C18orf54: variants seen among roughly 807,000 people sequenced by gnomAD.
The protein encoded by C18orf54 is lung adenoma susceptibility protein 2.
C18orf54 carries 49 observed loss-of-function variants against 49.3 expected under a neutral mutation model. The observed-to-expected ratio is 0.99, with a 90% confidence interval of 0.79 to 1.26. The LOEUF (loss-of-function observed/expected upper bound fraction) is 1.26. Among genes scored for constraint, C18orf54 ranks in the 50% most tolerant of loss-of-function variants. The pLI is 0.00. For missense variants in C18orf54, 687 were observed against 620.6 expected (o/e 1.11, Z -1.14); for synonymous variants, 211 against 216.6 (o/e 0.97, Z 0.23).
At chr18:54,358,714 T>C (rs1483292010) in intron 1 of C18orf54, 60 bp from the exon 2 acceptor site, 1 of 152,284 alleles carries the variant, frequency 6.6e-6, no homozygotes, top group Non-Finnish European at 1.5e-5. Context: ...TTGTTCTTAA[T>C]TTCCTGTGCG....
rs16958122 is a variant in C18orf54 at position 54,373,862 on chromosome 18, C to T, written c.1459-352C>T. Among the ~76,000 whole-genome samples, 663 of 151,954 alleles carry T rather than the reference C, an allele frequency of 4.4e-3. 5 individuals carry two copies. The highest frequency in any genetic ancestry group is 0.015 in the African/African-American group (635 of 41,542). ...TTGTATTTCTTAATTTCTGTCCTTA[C>T]ATTCTAATAATCATAACATTAATAT... is the stretch of plus-strand genomic sequence containing the variant. On this transcript the variant is annotated intron_variant, in intron 7 of 8. Transcript: ENST00000620105.
At chr18:54,360,456 C>T in intron 2 of C18orf54, 71 bp from the exon 3 acceptor site, 2 of 904,024 alleles carry the variant, frequency 2.2e-6, no homozygotes, top group East Asian at 2.6e-5. Flanking sequence ...AAAAGGTTTA[C>T]ATATTTAGTA....
At chr18:54,364,462 G>A (rs111719372) in intron 5 of C18orf54, among the ~76,000 whole-genome samples, 2,937 of 152,186 alleles carry the variant, frequency 0.019, 46 homozygotes, top group Non-Finnish European at 0.032. Flanking sequence ...ATATTGTGAA[G>A]GGAATGTTTG....
At chr18:54,363,031 G>T in intron 5 of C18orf54, 110 bp downstream of exon 5, 1 of 1,066,702 alleles carries the variant, frequency 9.4e-7, no homozygotes. Flanking sequence ...TAACTCCATA[G>T]AACATAGCTT....
In C18orf54 at chr18:54,362,412, A is replaced by T. The variant is rs747511527; in HGVS notation, c.1053A>T (p.Gln351His). 2 of 1,521,920 alleles carry T rather than the reference A, an allele frequency of 1.3e-6. No homozygotes were observed. Among genetic ancestry groups the T allele is most frequent in the African/African-American group, 2.8e-5 (2 of 72,478 alleles). 94.3% of individuals were successfully genotyped at this position (1,521,920 alleles called of 1,614,324 possible). A position where few individuals can be genotyped will look rare whatever the true frequency, so the allele number is the denominator to read the frequency against. Residue 351 changes from glutamine (Q) to histidine (H), a missense_variant, in exon 4 of 9, where the codon CAA (glutamine) becomes CAT (histidine). Coordinates refer to ENST00000620105, the MANE Select transcript of C18orf54 (RefSeq NM_001288980.2). ...CQCENPLLPG[Q>H]STKPFSGDKI... ...GTGAGAATCCACTTCTCCCAGGACAATCCACAAAGCCATTCAGTGGTAATA... is the reference window on the plus strand; with the variant it reads ...GTGAGAATCCACTTCTCCCAGGACATTCCACAAAGCCATTCAGTGGTAATA...
intron 8 of C18orf54, among the ~76,000 whole-genome samples, chr18:54,374,505 T>C (rs1433436857): frequency 6.6e-6 from 1 of 151,868 alleles, no homozygotes; most frequent in Non-Finnish European, 1.5e-5. Context: ...GCCTTAGACC[T>C]CTAAAATATA....
In C18orf54 at chr18:54,378,267, C is replaced by G; in HGVS notation, c.*21C>G. 6.3e-7 allele frequency: 1 copy of G among 1,599,182 alleles called. No homozygotes were observed. Among genetic ancestry groups the G allele is most frequent in the Non-Finnish European group, 8.6e-7 (1 of 1,166,938 alleles). On this transcript the variant is annotated 3_prime_UTR_variant, in exon 9 of 9. Coordinates refer to ENST00000620105, the MANE Select transcript of C18orf54 (RefSeq NM_001288980.2). ...TGTGAAGAGGAAAATGAAACTGTCA[C>G]CACAATGAATAGTCACCACAGAACA...
intron 8 of C18orf54, among the ~76,000 whole-genome samples, chr18:54,374,768 T>C (rs1473412246): frequency 6.6e-6 from 1 of 151,938 alleles, no homozygotes; most frequent in East Asian, 1.9e-4. Context: ...ATACAAGTTG[T>C]TTCTATAGTC....
rs1329689427 is a variant in C18orf54, at chr18:54,380,101, C to T, written c.*1855C>T. On this transcript the variant is annotated 3_prime_UTR_variant, in exon 9 of 9. Coordinates refer to ENST00000620105, the MANE Select transcript of C18orf54 (RefSeq NM_001288980.2). The stretch of plus-strand genomic sequence containing the variant: ...TTAATTTTAGCAAAATGATTCATTC[C>T]AACCTTCTTATAAGAAATATCTAGG... 6.6e-6 allele frequency: 1 copy of T among 151,884 alleles called. No homozygotes were observed. Among genetic ancestry groups the T allele is most frequent in the African/African-American group, 2.4e-5 (1 of 41,376 alleles). 9.4% of individuals were successfully genotyped at this position (151,884 alleles called of 1,614,324 possible). A position where few individuals can be genotyped will look rare whatever the true frequency, so the allele number is the denominator to read the frequency against.
Position 54,365,699 on chromosome 18 carries a change from A to C in C18orf54, c.1224-20A>C, listed in dbSNP as rs987593657. 3 of 1,450,166 alleles carry C rather than the reference A, an allele frequency of 2.1e-6. No homozygotes were observed. The African/African-American group carries it at 4.2e-5, about 20-fold the overall frequency. The allele number at this position is 1,450,166 out of a possible 1,614,324, so 89.8% of individuals were successfully genotyped here. A position where few individuals can be genotyped will look rare whatever the true frequency, so the allele number is the denominator to read the frequency against. On this transcript the variant is annotated intron_variant, in intron 5 of 8. Transcript: ENST00000620105. ...ATTGGGAACTTAATTGCTATCTTGC[A>C]TCCTTTAAATCCTGTTTAGCAAATC...
intron 3 of C18orf54, 33 bp from the exon 4 acceptor site, chr18:54,361,595 TTATAAAATATTTGTA>T: frequency 7.0e-7 from 1 of 1,426,964 alleles, no homozygotes; most frequent in Non-Finnish European, 9.4e-7. Flanking sequence ...CTGTTGGATA[TTATAAAATATTTGTA>T]TGTAATAAAC....
In C18orf54 at chr18:54,381,756, C is replaced by T. The variant is rs2089677606; in HGVS notation, c.*3510C>T. The T allele has an allele frequency of 6.6e-6, 1 of 152,112 alleles. No homozygotes were observed. Among genetic ancestry groups the T allele is most frequent in the Admixed American group, 6.5e-5 (1 of 15,268 alleles). The allele number at this position is 152,112 out of a possible 1,614,324, so 9.4% of individuals were successfully genotyped here. ...TAAGTTGGCTTTTCTTTTTCCTCCCCCTGTCATTCATTTAGCTGTTATATT... is the reference window on the plus strand; with the variant it reads ...TAAGTTGGCTTTTCTTTTTCCTCCCTCTGTCATTCATTTAGCTGTTATATT... On this transcript the variant is annotated 3_prime_UTR_variant, in exon 9 of 9. Coordinates refer to ENST00000620105, the MANE Select transcript of C18orf54 (RefSeq NM_001288980.2).
chr18:54,377,976 A>C (rs1479765307), intron 8 of C18orf54, among the ~76,000 whole-genome samples, 198 bp from the exon 9 acceptor site: 1 of 152,206 alleles, frequency 6.6e-6, no homozygotes, highest in African/African-American at 2.4e-5. Flanking sequence ...TGTTTATAGA[A>C]CTTTAGATAA....
chr18:54,377,859 T>G (rs2089602056), intron 8 of C18orf54, among the ~76,000 whole-genome samples: 1 of 152,210 alleles, frequency 6.6e-6, no homozygotes, highest in Non-Finnish European at 1.5e-5. Flanking sequence ...TTGAAAAAAG[T>G]GTTCTTGTTA....
chr18:54,360,965 TAAC>T, intron 3 of C18orf54, 110 bp downstream of exon 3: 1 of 1,046,776 alleles, frequency 9.6e-7, no homozygotes, highest in Non-Finnish European at 1.4e-6. Flanking sequence ...GGAGTAAAAA[TAAC>T]ATAATATTGA....
rs2089622641 is a variant in C18orf54, at chr18:54,379,037, C to CT, written c.*794dup. ...AAAACTATGACTCAATGGCCAATTG[C>CT]TTTATCAAATTTGATAACTAAAACT... On this transcript the variant is annotated 3_prime_UTR_variant, in exon 9 of 9. Coordinates refer to ENST00000620105, the MANE Select transcript of C18orf54 (RefSeq NM_001288980.2). 1 of 152,032 alleles carries CT rather than the reference C, an allele frequency of 6.6e-6. No homozygotes were observed. Among genetic ancestry groups the CT allele is most frequent in the East Asian group, 1.9e-4 (1 of 5,198 alleles). 9.4% of individuals were successfully genotyped at this position (152,032 alleles called of 1,614,324 possible).
At position 54,379,435 on chromosome 18, in the gene C18orf54, A is replaced by G. The variant is rs964847320; in HGVS notation, c.*1189A>G. ...GAGTCAAAGCATTTTTTCCAAGTTA[A>G]TAAAGTGTTATTTACTATCTTTGTT... On this transcript the variant is annotated 3_prime_UTR_variant, in exon 9 of 9. Transcript: ENST00000620105. 2.6e-5 allele frequency: 4 copies of G among 151,832 alleles called. No individual in the cohort carries two copies. Among genetic ancestry groups the G allele is most frequent in the African/African-American group, 7.3e-5 (3 of 41,332 alleles). 9.4% of individuals were successfully genotyped at this position (151,832 alleles called of 1,614,324 possible). A position where few individuals can be genotyped will look rare whatever the true frequency, so the allele number is the denominator to read the frequency against.
intron 1 of C18orf54, 109 bp from the exon 2 acceptor site, chr18:54,358,665 C>A (rs554793076): frequency 1.4e-4 from 22 of 152,334 alleles, no homozygotes; most frequent in African/African-American, 5.1e-4. Context: ...ACAAACGTTC[C>A]CTTTCCTAAC....
intron 3 of C18orf54, among the ~76,000 whole-genome samples, chr18:54,361,274 A>C (rs1407222209): frequency 6.6e-6 from 1 of 152,102 alleles, no homozygotes; most frequent in Non-Finnish European, 1.5e-5. Context: ...AAAACAAGTT[A>C]TTTTTCCACC....
Sources: gnomAD v4.1 joint callset for allele counts (sites outside exome capture counted in the v4.1 genomes callset) on GRCh38, gnomAD v4.1.1 for gene constraint, MANE v1.5 for transcripts, NCBI Gene and HGNC (gene_info 2026-07-23, HGNC 2026-07-21) for gene names.